TAFA1: variants seen among roughly 807,000 people sequenced by gnomAD.
TAFA1 encodes chemokine-like protein TAFA-1.
TAFA1 carries 4 observed loss-of-function variants against 18.5 expected under a neutral mutation model. That is an observed-to-expected ratio of 0.22 (90% CI 0.11 to 0.49). The LOEUF is 0.49. Ranked by LOEUF, TAFA1 falls within the 20% of genes least tolerant of loss-of-function variation. The pLI, the probability that TAFA1 is intolerant of heterozygous loss-of-function variation, is 0.98. For synonymous variants in TAFA1, 56 were observed against 55.2 expected, an observed-to-expected ratio of 1.01 and a Z score of -0.06; for missense variants, 147 against 169.0, an observed-to-expected ratio of 0.87 and a Z score of 0.72.
intron 2 of TAFA1, among the ~76,000 whole-genome samples, chr3:68,168,144 C>CA (rs10662237): frequency 0.018 from 2,108 of 116,438 alleles, 85 homozygotes; most frequent in African/African-American, 0.062. Flanking sequence ...TTTTCAGATA[C>CA]AAAAAAAAAA....
the TAFA1 span, among the ~76,000 whole-genome samples, chr3:67,993,140 A>G: frequency 1.3e-5 from 2 of 152,242 alleles, no homozygotes; most frequent in African/African-American, 4.8e-5. Context: ...CCTAGTCCAC[A>G]GGACCATCCT....
intron 2 of TAFA1, among the ~76,000 whole-genome samples, chr3:68,398,132 A>T (rs2070419815): frequency 6.6e-6 from 1 of 152,224 alleles, no homozygotes; most frequent in Non-Finnish European, 1.5e-5. Context: ...AAACAAAAAG[A>T]ACAAAGCTGG....
At chr3:68,492,515 G>A (rs1212396403) in intron 3 of TAFA1, among the ~76,000 whole-genome samples, 1 of 152,140 alleles carries the variant, frequency 6.6e-6, no homozygotes, top group Non-Finnish European at 1.5e-5. Context: ...ATGAGTGAAA[G>A]AAGAAACCAA....
chr3:68,298,729 A>G (rs2068254743), intron 2 of TAFA1, among the ~76,000 whole-genome samples: 1 of 152,190 alleles, frequency 6.6e-6, no homozygotes, highest in Admixed American at 6.5e-5. Flanking sequence ...CACTTTTTGA[A>G]GAAGATCCCT....
At chr3:68,116,518 C>T (rs2065326740) in intron 2 of TAFA1, among the ~76,000 whole-genome samples, 1 of 152,118 alleles carries the variant, frequency 6.6e-6, no homozygotes, top group South Asian at 2.1e-4. Flanking sequence ...TTAACATTAA[C>T]AATCTAATTA....
At chr3:68,217,181 CT>C (rs1364494152) in intron 2 of TAFA1, among the ~76,000 whole-genome samples, 5 of 151,956 alleles carry the variant, frequency 3.3e-5, no homozygotes, top group Non-Finnish European at 7.4e-5. Flanking sequence ...CACCATTATT[CT>C]TAATGTAATT....
intron 2 of TAFA1, among the ~76,000 whole-genome samples, chr3:68,325,978 T>A (rs954285806): frequency 2.0e-5 from 3 of 152,178 alleles, no homozygotes; most frequent in African/African-American, 7.2e-5. Flanking sequence ...CACAAGGGAC[T>A]CATTACAGGG....
chr3:68,136,675 G>T (rs569503413), intron 2 of TAFA1, among the ~76,000 whole-genome samples: 1 of 152,174 alleles, frequency 6.6e-6, no homozygotes, highest in Non-Finnish European at 1.5e-5. Context: ...AATGGAAAAA[G>T]GGAGGGAGTA....
At chr3:68,054,073 A>G (rs868246808) in intron 2 of TAFA1, among the ~76,000 whole-genome samples, 20 of 152,092 alleles carry the variant, frequency 1.3e-4, no homozygotes, top group African/African-American at 4.8e-4. Context: ...ACTCCCCTTC[A>G]CAGATATGAA....
intron 2 of TAFA1, among the ~76,000 whole-genome samples, chr3:68,315,751 G>A (rs1366331345): frequency 6.6e-6 from 1 of 152,134 alleles, no homozygotes; most frequent in African/African-American, 2.4e-5. Flanking sequence ...ATTATTTACA[G>A]TAGTTTTGAA....
intron 2 of TAFA1, among the ~76,000 whole-genome samples, chr3:68,351,932 GTCCTATTTGGGAT>G (rs530675380): frequency 3.6e-4 from 55 of 152,036 alleles, no homozygotes; most frequent in African/African-American, 1.0e-3. Context: ...CAGCTCAACA[GTCCTATTTGGGAT>G]TCCTATTTGG....
chr3:68,067,676 G>A (rs1048430732), intron 2 of TAFA1, among the ~76,000 whole-genome samples: 3 of 152,128 alleles, frequency 2.0e-5, no homozygotes, highest in African/African-American at 7.2e-5. Flanking sequence ...TAAGCATTAT[G>A]ACCATCCGGT....
intron 2 of TAFA1, among the ~76,000 whole-genome samples, chr3:68,099,816 A>C (rs760260446): frequency 6.6e-6 from 1 of 152,230 alleles, no homozygotes; most frequent in Non-Finnish European, 1.5e-5. Context: ...CTACACAGCC[A>C]TAAAAAAGAA....
chr3:68,127,591 C>T (rs1186130826), intron 2 of TAFA1, among the ~76,000 whole-genome samples: 18 of 370 alleles, frequency 0.049, no homozygotes, highest in East Asian at 0.12. Context: ...GTGATGGTAG[C>T]AGTGGATGAT....
At chr3:68,365,345 A>G (rs2069546275) in intron 2 of TAFA1, among the ~76,000 whole-genome samples, 1 of 152,158 alleles carries the variant, frequency 6.6e-6, no homozygotes. Flanking sequence ...TTATGGAATC[A>G]ATATTGGTAC....
At chr3:68,194,389 G>A (rs1416779871) in intron 2 of TAFA1, among the ~76,000 whole-genome samples, 1 of 151,648 alleles carries the variant, frequency 6.6e-6, no homozygotes. Flanking sequence ...GTGCAAGATT[G>A]GAATTCCATA....
chr3:68,447,540 CCA>C (rs2071491670), intron 3 of TAFA1, among the ~76,000 whole-genome samples: 1 of 152,212 alleles, frequency 6.6e-6, no homozygotes, highest in South Asian at 2.1e-4. Context: ...CCAAAACTCT[CCA>C]GTTTCTGATC....
intron 2 of TAFA1, among the ~76,000 whole-genome samples, chr3:68,161,314 A>AT (rs1488185259): frequency 3.3e-5 from 5 of 152,144 alleles, no homozygotes; most frequent in Non-Finnish European, 5.9e-5. Context: ...CTTAACCTCC[A>AT]TTTCTACCAC....
intron 2 of TAFA1, among the ~76,000 whole-genome samples, chr3:68,167,296 G>A (rs1453549412): frequency 6.6e-6 from 1 of 152,202 alleles, no homozygotes; most frequent in African/African-American, 2.4e-5. Context: ...TTAAAAATGC[G>A]GCCGGGCGCC....
Sources: gnomAD v4.1 joint callset for allele counts (sites outside exome capture counted in the v4.1 genomes callset) on GRCh38, gnomAD v4.1.1 for gene constraint, MANE v1.5 for transcripts, NCBI Gene and HGNC (gene_info 2026-07-23, HGNC 2026-07-21) for gene names.